DDX1: variants seen among roughly 807,000 people sequenced by gnomAD.
DDX1 encodes DEAD-box helicase 1, also known as ATP-dependent RNA helicase DDX1.
In DDX1, 28 loss-of-function variants were observed where a neutral mutation model predicts 108.7. That is an observed-to-expected ratio of 0.26 (90% CI 0.19 to 0.35). The LOEUF (loss-of-function observed/expected upper bound fraction) is 0.35, where lower values mean the gene tolerates loss of function less well. Among genes scored for constraint, DDX1 ranks in the 10% least tolerant of loss-of-function variants. DDX1 has a pLI of 1.00. For missense variants in DDX1, 710 were observed against 884.5 expected (o/e 0.80, Z 2.50); for synonymous variants, 295 against 288.9 (o/e 1.02, Z -0.21).
chr2:15,608,596 G>A (rs1396208720), intron 13 of DDX1, among the ~76,000 whole-genome samples: 1 of 146,794 alleles, frequency 6.8e-6, no homozygotes, highest in Non-Finnish European at 1.5e-5. Context: ...GTGTGTAACT[G>A]TCACCACTAT....
At chr2:15,603,380 T>A in intron 8 of DDX1, 105 bp downstream of exon 8, 1 of 794,226 alleles carries the variant, frequency 1.3e-6, no homozygotes, top group Non-Finnish European at 2.0e-6. Context: ...AAGGTTTTAT[T>A]TTAAAGACAT....
intron 1 of DDX1, among the ~76,000 whole-genome samples, chr2:15,593,654 A>G (rs1045823680): frequency 6.6e-6 from 1 of 152,206 alleles, no homozygotes; most frequent in African/African-American, 2.4e-5. Flanking sequence ...CCTTTGTTTC[A>G]AGCAGTTTGC....
intron 16 of DDX1, 95 bp downstream of exon 16, chr2:15,618,365 A>C: frequency 2.9e-6 from 2 of 678,994 alleles, no homozygotes; most frequent in East Asian, 2.6e-5. Context: ...CTGGCTGGAA[A>C]CCTCTGCGGC....
chr2:15,613,829 AG>A (rs558304870), intron 14 of DDX1, among the ~76,000 whole-genome samples: 127 of 140,306 alleles, frequency 9.1e-4, no homozygotes, highest in African/African-American at 2.6e-3. Flanking sequence ...GAAGAAGTTT[AG>A]GAATTTTTTT....
intron 1 of DDX1, among the ~76,000 whole-genome samples, chr2:15,592,668 C>T (rs1325233658): frequency 6.6e-6 from 1 of 152,054 alleles, no homozygotes; most frequent in Non-Finnish European, 1.5e-5. Context: ...GCTTTATCAT[C>T]CTCCTGTTAG....
intron 6 of DDX1, among the ~76,000 whole-genome samples, chr2:15,600,797 G>A (rs554532143): frequency 1.5e-5 from 2 of 131,932 alleles, no homozygotes; most frequent in African/African-American, 5.7e-5. Flanking sequence ...TGCCCAGGCT[G>A]GAGTGCAGTG....
intron 18 of DDX1, among the ~76,000 whole-genome samples, chr2:15,622,326 T>C (rs1191156670): frequency 6.6e-6 from 1 of 152,222 alleles, no homozygotes; most frequent in Non-Finnish European, 1.5e-5. Flanking sequence ...TTATCAATTT[T>C]TAAAAAGCCT....
chr2:15,597,389 A>T lies in DDX1; in HGVS notation c.177A>T (p.Pro59=), dbSNP rs775889486. The part of the protein sequence containing the change: ...GSGKTGAFSI[P]VIQIVYETLK... ...TTCTTTGATAGGCTTTTAGTATTCC[A>T]GTTATCCAGATAGTTTATGAAACTC... The change falls in exon 5 of 26, where the codon CCA becomes CCT. Residue 59 remains proline (P), a synonymous_variant. Transcript: ENST00000233084. 1.2e-6 allele frequency: 2 copies of T among 1,601,800 alleles called. No individual in the cohort carries two copies. Among genetic ancestry groups the T allele is most frequent in the African/African-American group, 1.3e-5 (1 of 74,212 alleles).
chr2:15,621,345 C>G, intron 18 of DDX1: 1 of 445,740 alleles, frequency 2.2e-6, no homozygotes, highest in Non-Finnish European at 4.0e-6. Context: ...ATGTTCTTGT[C>G]ACCCAAGCTG....
intron 13 of DDX1, 147 bp downstream of exon 13, chr2:15,607,460 C>A: frequency 1.7e-6 from 1 of 587,998 alleles, no homozygotes; most frequent in South Asian, 4.0e-5. Context: ...TTAATAATTT[C>A]CATATACAAC....
intron 18 of DDX1, 105 bp from the exon 19 acceptor site, chr2:15,623,331 T>C: frequency 9.6e-7 from 1 of 1,046,856 alleles, no homozygotes; most frequent in Non-Finnish European, 1.4e-6. Flanking sequence ...ACAAGTATTC[T>C]TTTTTAGGAA....
At chr2:15,628,561 T>A in intron 21 of DDX1, 44 bp downstream of exon 21, 2 of 1,598,326 alleles carry the variant, frequency 1.3e-6, no homozygotes, top group African/African-American at 1.3e-5. Context: ...TGTTACGGAA[T>A]CTAAAGTAAA....
chr2:15,629,470 T>A (rs1666156669), intron 23 of DDX1, 132 bp from the exon 24 acceptor site: 5 of 625,044 alleles, frequency 8.0e-6, no homozygotes, highest in Non-Finnish European at 1.4e-5. Context: ...GGTAATTGGA[T>A]GATATATCAT....
intron 1 of DDX1, 138 bp from the exon 2 acceptor site, chr2:15,595,007 C>G (rs1221156841): frequency 1.7e-6 from 1 of 581,568 alleles, no homozygotes; most frequent in East Asian, 3.1e-5. Context: ...GCTCTTTCAA[C>G]AGTGCCACGC....
chr2:15,628,172 G>A (rs953204691), intron 20 of DDX1, among the ~76,000 whole-genome samples: 3 of 152,044 alleles, frequency 2.0e-5, no homozygotes, highest in Non-Finnish European at 4.4e-5. Flanking sequence ...TAAAGATTAA[G>A]CCAAGTTTTA....
intron 24 of DDX1, 129 bp downstream of exon 24, chr2:15,629,826 T>C: frequency 1.0e-6 from 1 of 999,038 alleles, no homozygotes; most frequent in East Asian, 2.6e-5. Context: ...TTGGTTATAA[T>C]GTTATCTGCA....
intron 1 of DDX1, 56 bp from the exon 2 acceptor site, chr2:15,595,089 C>T: frequency 7.5e-7 from 1 of 1,325,250 alleles, no homozygotes; most frequent in South Asian, 1.3e-5. Context: ...ATTTTGAGAG[C>T]AATGCAATTT....
At position 15,606,228 on chromosome 2, in the gene DDX1, G is replaced by T. The variant is rs144722775; in HGVS notation, c.781G>T (p.Ala261Ser). The change falls in exon 12 of 26, where the codon GCA becomes TCA. Residue 261 changes from alanine to serine, a missense_variant. Transcript: ENST00000233084. ...PKDGFVALSK[A>S]PDGYIVKSQH... Reference sequence around the variant, plus strand: ...AGATGGCTTTGTTGCTCTTTCCAAGGCACCGGATGGTTACATTGTCAAATC... The same window carrying T: ...AGATGGCTTTGTTGCTCTTTCCAAGTCACCGGATGGTTACATTGTCAAATC... 24 of 1,613,848 alleles carry T rather than the reference G, an allele frequency of 1.5e-5. No homozygotes were observed. The highest frequency in any genetic ancestry group is 1.9e-5 in the Non-Finnish European group (23 of 1,179,882).
rs567875578 is a variant in DDX1 at position 15,613,354 on chromosome 2, G to T, written c.1017+70G>T. ...CGTTTTAGCAATACAGCTCTGTTTT[G>T]TTTCAAGAAAATTTAAGTGAGGCTG... On this transcript the variant is annotated intron_variant, in intron 14 of 25. Coordinates refer to ENST00000233084, the MANE Select transcript of DDX1 (RefSeq NM_004939.3). 110 of 1,109,150 alleles carry T rather than the reference G, an allele frequency of 9.9e-5. 1 individual carries two copies. The South Asian group carries it at 1.5e-3, about 15-fold the overall frequency. The allele number at this position is 1,109,150 out of a possible 1,614,324, so 68.7% of individuals were successfully genotyped here.
Sources: allele counts gnomAD v4.1 joint callset (sites outside exome capture counted in the v4.1 genomes callset), GRCh38; gene constraint gnomAD v4.1.1; transcripts MANE v1.5; gene names NCBI Gene and HGNC (gene_info 2026-07-23, HGNC 2026-07-21).